RAI1: variants seen among roughly 807,000 people sequenced by gnomAD.
The protein encoded by RAI1 is retinoic acid induced 1.
A neutral mutation model predicts 123.8 loss-of-function variants in RAI1; 9 were observed. That is an observed-to-expected ratio of 0.07 (90% CI 0.04 to 0.13). RAI1 has a LOEUF of 0.13. RAI1 is among the 10% of genes least tolerant of loss of function. The probability of loss-of-function intolerance (pLI) is 1.00; values close to 1 mark genes in which losing one functional copy is unlikely to be tolerated. For missense variants in RAI1, 2,256 were observed against 2,545.8 expected (o/e 0.89, Z 2.45); for synonymous variants, 1,231 against 1,127.3 (o/e 1.09, Z -1.84).
At chr17:17,803,991 CCTT>C (rs2032545314) in intron 4 of RAI1, 142 bp downstream of exon 4, 2 of 849,844 alleles carry the variant, frequency 2.4e-6, no homozygotes, top group Non-Finnish European at 3.9e-6. Flanking sequence ...ATTCTTTTAT[CCTT>C]CTGTCTGCCT....
intron 1 of RAI1, among the ~76,000 whole-genome samples, chr17:17,723,540 C>T (rs1915959550): frequency 1.3e-5 from 2 of 150,750 alleles, no homozygotes; most frequent in Admixed American, 6.6e-5. Flanking sequence ...CACTCTTACA[C>T]TCACACCCCC....
rs375696493 is a variant in RAI1 at position 17,794,508 on chromosome 17, C to T, written c.1560C>T (p.Gly520=). ...AEPQEADYLS[G]SEDPLERSFL... is the part of the protein sequence containing the mutation. Reference sequence around the variant, plus strand: ...CGCAGGAGGCCGACTACCTGAGCGGCTCCGAGGACCCACTGGAGCGCAGCT... The same window carrying T: ...CGCAGGAGGCCGACTACCTGAGCGGTTCCGAGGACCCACTGGAGCGCAGCT... The change falls in exon 3 of 6, where the codon GGC becomes GGT. Residue 520 remains glycine, a synonymous_variant. Transcript: ENST00000353383. The T allele has an allele frequency of 2.5e-6, 4 of 1,612,248 alleles. No homozygotes were observed. The African/African-American group carries it at 5.3e-5, about 22-fold the overall frequency.
intron 2 of RAI1, among the ~76,000 whole-genome samples, chr17:17,775,596 G>A (rs1022189178): frequency 1.3e-5 from 2 of 152,092 alleles, no homozygotes; most frequent in Non-Finnish European, 2.9e-5. Context: ...GTAAACTAAA[G>A]AAAAGAAAAT....
chr17:17,798,726 C>T (rs1269335112), intron 3 of RAI1, among the ~76,000 whole-genome samples: 1 of 152,098 alleles, frequency 6.6e-6, no homozygotes, highest in Non-Finnish European at 1.5e-5. Flanking sequence ...CTACCCTGTC[C>T]CAGGAGACTT....
chr17:17,721,725 C>T (rs1915888501), intron 1 of RAI1, among the ~76,000 whole-genome samples: 1 of 152,246 alleles, frequency 6.6e-6, no homozygotes, highest in African/African-American at 2.4e-5. Context: ...TCTCCTGGTT[C>T]ACTCAGCAGC....
chr17:17,809,300 A>C lies in RAI1; in HGVS notation c.5660-90A>C, dbSNP rs2032657536. On this transcript the variant is annotated intron_variant, in intron 4 of 5. Coordinates refer to ENST00000353383, the MANE Select transcript of RAI1 (RefSeq NM_030665.4). This position sits in a 1 kb window ranked among gnomAD's most constrained non-coding sequence, Gnocchi z 4.9. ...CCCTGCAGTCTGGAGCCTCGCGGGC[A>C]GTGCGGCTCCCCTCCTGGCTGCAGA... The C allele has an allele frequency of 5.4e-6, 6 of 1,113,002 alleles. No homozygotes were observed. The South Asian group carries it at 7.4e-5, about 14-fold the overall frequency. The allele number at this position is 1,113,002 out of a possible 1,614,324, so 68.9% of individuals were successfully genotyped here.
At chr17:17,708,394 C>G (rs1439876711) in intron 1 of RAI1, among the ~76,000 whole-genome samples, 1 of 148,996 alleles carries the variant, frequency 6.7e-6, no homozygotes, top group South Asian at 2.1e-4. Context: ...CCTGTCCTCT[C>G]TTCTCATATA....
In RAI1 at chr17:17,794,451, G is replaced by C. The variant is rs374194622; in HGVS notation, c.1503G>C (p.Pro501=). 6.2e-7 allele frequency: 1 copy of C among 1,612,614 alleles called. No individual in the cohort carries two copies. The highest frequency in any genetic ancestry group is 1.1e-5 in the South Asian group (1 of 91,056). ...CAGGCACACCGCTGTCAGAGCCGCC[G>C]AGCAGCACGCCACAGTCCACGCATG... ...EPAGTPLSEP[P]SSTPQSTHAE... is the part of the protein sequence containing the mutation. The change falls in exon 3 of 6, where the codon CCG becomes CCC. Residue 501 remains proline (P), a synonymous_variant. Coordinates refer to ENST00000353383, the MANE Select transcript of RAI1 (RefSeq NM_030665.4).
At chr17:17,778,359 G>T (rs765016703) in intron 2 of RAI1, 11 of 235,408 alleles carry the variant, frequency 4.7e-5, no homozygotes, top group Non-Finnish European at 8.5e-5. Context: ...GGCCCTGGAA[G>T]TTGCTACCTT....
chr17:17,765,426 C>T (rs1264040031), intron 2 of RAI1, among the ~76,000 whole-genome samples: 4 of 152,352 alleles, frequency 2.6e-5, no homozygotes, highest in Middle Eastern at 3.4e-3. Flanking sequence ...GTCTTCCAGG[C>T]GACTTGGGGG....
chr17:17,805,844 C>T (rs759022024), intron 4 of RAI1, among the ~76,000 whole-genome samples: 5 of 152,228 alleles, frequency 3.3e-5, no homozygotes, highest in Non-Finnish European at 7.3e-5. Flanking sequence ...ATAGCTGCCA[C>T]GAGTCACATT....
At chr17:17,808,427 AT>A (rs1491331049) in intron 4 of RAI1, among the ~76,000 whole-genome samples, 1 of 112,012 alleles carries the variant, frequency 8.9e-6, no homozygotes, top group South Asian at 2.5e-4. Flanking sequence ...ATTTTATTTT[AT>A]TTTATTTTAT....
intron 2 of RAI1, among the ~76,000 whole-genome samples, chr17:17,768,872 G>A (rs1477186624): frequency 6.6e-6 from 1 of 152,234 alleles, no homozygotes; most frequent in East Asian, 1.9e-4. Context: ...AGGCCTGGAT[G>A]CCCCCCAGCA....
chr17:17,795,351 G>A lies in RAI1; in HGVS notation c.2403G>A (p.Glu801=), dbSNP rs375476233. 1.0e-5 allele frequency: 16 copies of A among 1,599,680 alleles called. No homozygotes were observed. Among genetic ancestry groups the A allele is most frequent in the Non-Finnish European group, 1.3e-5 (15 of 1,170,822 alleles). The part of the protein sequence containing the change: ...LGFQEEDPPG[E]KVASLPGDFK... ...TCCAGGAGGAGGACCCCCCTGGGGA[G>A]AAGGTGGCCTCGTTGCCCGGGGACT... Residue 801 remains glutamate (E), a synonymous_variant, in exon 3 of 6, where the codon GAG becomes GAA. Transcript: ENST00000353383. The surrounding 1 kb of genome is among the most constrained non-coding windows in gnomAD (Gnocchi z 5.9).
intron 2 of RAI1, among the ~76,000 whole-genome samples, chr17:17,738,849 TCAAAGGGCTCATGCTG>T (rs1294931828): frequency 6.6e-6 from 1 of 152,148 alleles, no homozygotes; most frequent in African/African-American, 2.4e-5. Flanking sequence ...TGCATTACCT[TCAAAGGGCTCATGCTG>T]CAAGCATGGG....
At chr17:17,777,576 A>T (rs1001164565) in intron 2 of RAI1, 2 of 143,680 alleles carry the variant, frequency 1.4e-5, no homozygotes, top group Admixed American at 7.1e-5. Context: ...AGTCTGCATG[A>T]GTCTTGTACC....
At chr17:17,717,062 AAGAGG>A (rs1433849356) in intron 1 of RAI1, among the ~76,000 whole-genome samples, 3 of 152,166 alleles carry the variant, frequency 2.0e-5, no homozygotes, top group Admixed American at 2.0e-4. Context: ...CCATTTGTGG[AAGAGG>A]CTGGGAGTCA....
At chr17:17,723,780 G>C (rs1003530559) in intron 1 of RAI1, among the ~76,000 whole-genome samples, 1 of 148,980 alleles carries the variant, frequency 6.7e-6, no homozygotes, top group African/African-American at 2.5e-5. Context: ...CCCCGCGCGC[G>C]CCCCGCGCCA....
intron 1 of RAI1, among the ~76,000 whole-genome samples, chr17:17,719,839 ACTGATG>A (rs1915819885): frequency 6.6e-6 from 1 of 152,188 alleles, no homozygotes; most frequent in African/African-American, 2.4e-5. Flanking sequence ...AATGAGGCTG[ACTGATG>A]GGGCGGGGGG....
Sources: allele counts gnomAD v4.1 joint callset (sites outside exome capture counted in the v4.1 genomes callset), GRCh38; gene constraint gnomAD v4.1.1; non-coding constraint Gnocchi (gnomAD v3.1); transcripts MANE v1.5; gene names NCBI Gene and HGNC (gene_info 2026-07-23, HGNC 2026-07-21).